Variants in FAM171A2 observed in about 807,000 individuals in gnomAD.
FAM171A2 encodes the protein protein FAM171A2.
FAM171A2 carries 13 observed loss-of-function variants against 34.2 expected under a neutral mutation model. The observed-to-expected ratio is 0.38, with a 90% CI of 0.25 to 0.60. The LOEUF is 0.60. Ranked by LOEUF, FAM171A2 falls within the 20% of genes least tolerant of loss-of-function variation. The pLI, the probability that FAM171A2 is intolerant of heterozygous loss-of-function variation, is 0.62. For missense variants in FAM171A2, 950 were observed against 1,180.7 expected, an observed-to-expected ratio of 0.80 and a Z score of 2.86; for synonymous variants, 475 against 561.2, an observed-to-expected ratio of 0.85 and a Z score of 2.17.
At chr17:44,359,800 C>A in intron 2 of FAM171A2, 105 bp downstream of exon 2, 1 of 1,366,934 alleles carries the variant, frequency 7.3e-7, no homozygotes, top group Non-Finnish European at 9.9e-7. Context: ...GCCCAGGCAG[C>A]AGCTGCTGGA....
rs574644309 is a variant in FAM171A2, at chr17:44,360,113, C to T, written c.138G>A (p.Gln46=). Residue 46 remains glutamine, a synonymous_variant, in exon 2 of 8, where the codon CAG becomes CAA. Coordinates refer to ENST00000293443, the MANE Select transcript of FAM171A2 (RefSeq NM_198475.3). ...GCACCAGCTCCCCGCTCACATACAC[C>T]TGCACCTTGATCAGGATCTCTGTGG... ...PSPQEILIKV[Q]VYVSGELVPL... 4.9e-5 allele frequency: 76 copies of T among 1,551,608 alleles called. No homozygotes were observed. In the African/African-American group the frequency reaches 9.0e-4, roughly 18 times the overall value.
Position 44,359,948 on chromosome 17 carries a change from G to A in FAM171A2, c.303C>T (p.Gly101=). The change falls in exon 2 of 8, where the codon GGC becomes GGT. Residue 101 remains glycine (G), a synonymous_variant. Coordinates refer to ENST00000293443, the MANE Select transcript of FAM171A2 (RefSeq NM_198475.3). Reference sequence around the variant, plus strand: ...GCCAGGGCACAGAGTTGGTGAGGAAGCCAGGGCGGGCAGCAGTGACCAGCA... The same window carrying A: ...GCCAGGGCACAGAGTTGGTGAGGAAACCAGGGCGGGCAGCAGTGACCAGCA... ...TWVLVTAARP[G]FLTNSVPWRV... is the part of the protein sequence containing the mutation. The A allele has an allele frequency of 6.4e-7, 1 of 1,550,488 alleles. No individual in the cohort carries two copies. The highest frequency in any genetic ancestry group is 8.7e-7 in the Non-Finnish European group (1 of 1,146,278).
intron 3 of FAM171A2, among the ~76,000 whole-genome samples, chr17:44,357,331 G>GAGC (rs2048428734): frequency 7.0e-6 from 1 of 142,150 alleles, no homozygotes; most frequent in Non-Finnish European, 1.5e-5. Flanking sequence ...TGGGCATCAA[G>GAGC]AGCGAAACTC....
Position 44,359,642 on chromosome 17 carries a change from G to A in FAM171A2, c.376C>T (p.Pro126Ser). 1 of 1,550,820 alleles carries A rather than the reference G, an allele frequency of 6.4e-7. No individual in the cohort carries two copies. The highest frequency in any genetic ancestry group is 2.4e-5 in the East Asian group (1 of 40,922). Reference sequence around the variant, plus strand: ...AGGATGAGCGTGGCCGGCCGCTCAGGGAGCAGGTAGAGGCTGACAGACGCA... The same window carrying A: ...AGGATGAGCGTGGCCGGCCGCTCAGAGAGCAGGTAGAGGCTGACAGACGCA... Reference protein sequence around the residue: ...LYASVSLYLLPERPATLILYE... With the variant: ...LYASVSLYLLSERPATLILYE... The change falls in exon 3 of 8, where the codon CCT (proline) becomes TCT (serine). Residue 126 changes from proline to serine, a missense_variant. This residue lies in a region of FAM171A2 where 752 missense variants were observed against 924.5 expected (regional missense o/e 0.81). Transcript: ENST00000293443.
Position 44,353,369 on chromosome 17 carries a change from C to A in FAM171A2, c.*364G>T, listed in dbSNP as rs2048398490. ...CACCCCCTCCCCTCCCAGGGGTCCA[C>A]AAAGAACGCCCCCTCCCTTCCCAGC... On this transcript the variant is annotated 3_prime_UTR_variant, in exon 8 of 8. Transcript: ENST00000293443. 3 of 171,708 alleles carry A rather than the reference C, an allele frequency of 1.7e-5. No individual in the cohort carries two copies. The South Asian group carries it at 4.5e-4, about 26-fold the overall frequency. 10.6% of individuals were successfully genotyped at this position (171,708 alleles called of 1,614,324 possible).
chr17:44,359,730 C>T (rs1031527065), intron 2 of FAM171A2, 59 bp from the exon 3 acceptor site: 16 of 1,069,536 alleles, frequency 1.5e-5, no homozygotes, highest in Non-Finnish European at 1.8e-5. Context: ...CCCAGCCAGG[C>T]ACCCCCTCCA....
chr17:44,353,661 C>CGCGGGCCCCCGGGGCGCGCACCCTGGGT lies in FAM171A2; in HGVS notation c.*44_*71dup, dbSNP rs1029458242. On this transcript the variant is annotated 3_prime_UTR_variant, in exon 8 of 8. Transcript: ENST00000293443. ...GCTGGGAGCTACGCGCGAGGGCCCC[C>CGCGGGCCCCCGGGGCGCGCACCCTGGGT]GCGGGCCCCCGGGGCGCGCACCCTG... 3.7e-4 allele frequency: 422 copies of CGCGGGCCCCCGGGGCGCGCACCCTGGGT among 1,148,918 alleles called. No individual in the cohort carries two copies. The highest frequency in any genetic ancestry group is 5.5e-4 in the Admixed American group (12 of 21,818). 71.2% of individuals were successfully genotyped at this position (1,148,918 alleles called of 1,614,324 possible).
chr17:44,353,901 G>A lies in FAM171A2; in HGVS notation c.2313C>T (p.Gly771=). 3.8e-6 allele frequency: 5 copies of A among 1,303,186 alleles called. No individual in the cohort carries two copies. The highest frequency in any genetic ancestry group is 4.8e-6 in the Non-Finnish European group (5 of 1,031,708). The allele number at this position is 1,303,186 out of a possible 1,614,324, so 80.7% of individuals were successfully genotyped here. The change falls in exon 8 of 8, where the codon GGC becomes GGT. Residue 771 remains glycine, a synonymous_variant. Transcript: ENST00000293443. ...GRAATVPRGR[G]RSRGDSSRSS... ...TGCGGGAGCTGTCCCCGCGGCTGCG[G>A]CCCCGCCCCCGGGGTACCGTGGCCG...
Position 44,353,728 on chromosome 17 carries a change from G to C in FAM171A2, c.*5C>G, listed in dbSNP as rs2048403024. 1.4e-6 allele frequency: 2 copies of C among 1,393,738 alleles called. No individual in the cohort carries two copies. The highest frequency in any genetic ancestry group is 9.3e-7 in the Non-Finnish European group (1 of 1,070,408). 86.3% of individuals were successfully genotyped at this position (1,393,738 alleles called of 1,614,324 possible). A position where few individuals can be genotyped will look rare whatever the true frequency, so the allele number is the denominator to read the frequency against. On this transcript the variant is annotated 3_prime_UTR_variant, in exon 8 of 8. Transcript: ENST00000293443. ...GGAGGGGCGGTGCCAGGCCCTGCGC[G>C]GGCGCTACTTGACGTTGAACACCAT... is the stretch of plus-strand genomic sequence containing the variant.
At position 44,354,231 on chromosome 17, in the gene FAM171A2, G is replaced by A. The variant is rs1275479217; in HGVS notation, c.1983C>T (p.Arg661=). The A allele has an allele frequency of 2.7e-6, 4 of 1,455,082 alleles. No individual in the cohort carries two copies. The African/African-American group carries it at 5.9e-5, about 21-fold the overall frequency. 90.1% of individuals were successfully genotyped at this position (1,455,082 alleles called of 1,614,324 possible). The change falls in exon 8 of 8, where the codon CGC becomes CGT. Residue 661 remains arginine (R), a synonymous_variant. Transcript: ENST00000293443. This position sits in a 1 kb window ranked among gnomAD's most constrained non-coding sequence, Gnocchi z 5.8. Reference sequence around the variant, plus strand: ...AAGAGTGGCGCACTTGCGAGTTGGAGCGCCCGTCGAGGGACACGAACCAGG... The same window carrying A: ...AAGAGTGGCGCACTTGCGAGTTGGAACGCCCGTCGAGGGACACGAACCAGG... The part of the protein sequence containing the change: ...PRAWFVSLDG[R]SNSQVRHSYI...
At chr17:44,360,795 A>T (rs375711772) in intron 1 of FAM171A2, among the ~76,000 whole-genome samples, 1 of 152,166 alleles carries the variant, frequency 6.6e-6, no homozygotes, top group East Asian at 1.9e-4. Context: ...ACACTAGGAA[A>T]CTGGTCATTC....
Position 44,356,357 on chromosome 17 carries a change from G to A in FAM171A2, c.599-5C>T. On this transcript the variant is annotated splice_polypyrimidine_tract_variant and splice_region_variant and intron_variant, in intron 4 of 7. Coordinates refer to ENST00000293443, the MANE Select transcript of FAM171A2 (RefSeq NM_198475.3). The stretch of plus-strand genomic sequence containing the variant: ...GCTCCAGCCAGGAGCCATTGCCTGA[G>A]GGAAGAGGGTACAGGGCTGAGGGCT... The A allele has an allele frequency of 3.9e-6, 6 of 1,544,108 alleles. No homozygotes were observed. Among genetic ancestry groups the A allele is most frequent in the African/African-American group, 2.7e-5 (2 of 73,044 alleles).
rs1287894369 is a variant in FAM171A2, at chr17:44,353,224, C to A, written c.*509G>T. The A allele has an allele frequency of 2.6e-5, 8 of 305,110 alleles. No homozygotes were observed. The East Asian group carries it at 6.8e-4, about 26-fold the overall frequency. 18.9% of individuals were successfully genotyped at this position (305,110 alleles called of 1,614,324 possible). Reference sequence around the variant, plus strand: ...AAAGACATACACAGCCTTAACCTCACCAGTTTTATATTTGCTGCTGCCCAC... The same window carrying A: ...AAAGACATACACAGCCTTAACCTCAACAGTTTTATATTTGCTGCTGCCCAC... On this transcript the variant is annotated 3_prime_UTR_variant, in exon 8 of 8. Transcript: ENST00000293443.
At chr17:44,359,475 A>C in intron 3 of FAM171A2, 104 bp downstream of exon 3, 5 of 915,420 alleles carry the variant, frequency 5.5e-6, no homozygotes, top group Non-Finnish European at 6.9e-6. Context: ...CAGAGAGGTG[A>C]AGTGACTTGC....
At chr17:44,358,544 A>G (rs1412893294) in intron 3 of FAM171A2, among the ~76,000 whole-genome samples, 1 of 152,114 alleles carries the variant, frequency 6.6e-6, no homozygotes, top group African/African-American at 2.4e-5. Flanking sequence ...TACAAAAATT[A>G]GTCTGGCGTG....
intron 1 of FAM171A2, among the ~76,000 whole-genome samples, chr17:44,361,897 C>T (rs914592333): frequency 1.1e-4 from 16 of 152,054 alleles, no homozygotes; most frequent in African/African-American, 3.9e-4. Context: ...TTCGGAGAAG[C>T]TAGAAGGTCC....
rs1314409953 is a variant in FAM171A2, at chr17:44,354,966, G to T, written c.1248C>A (p.Phe416Leu). The T allele has an allele frequency of 1.4e-6, 2 of 1,470,550 alleles. No individual in the cohort carries two copies. 91.1% of individuals were successfully genotyped at this position (1,470,550 alleles called of 1,614,324 possible). ...GGCTGGCAGAGCGCGGCTTGGTGCG[G>T]AAGAAGTCATCCCGGGAGGAGGCCA... Reference protein sequence around the residue: ...RDLASSRDDFFRTKPRSASRP... With the variant: ...RDLASSRDDFLRTKPRSASRP... Residue 416 changes from phenylalanine (F) to leucine (L), a missense_variant, in exon 8 of 8, where the codon TTC (phenylalanine) becomes TTA (leucine). Transcript: ENST00000293443. The surrounding 1 kb of genome is among the most constrained non-coding windows in gnomAD (Gnocchi z 5.8).
At chr17:44,359,270 G>A (rs954760077) in intron 3 of FAM171A2, 1 of 386,402 alleles carries the variant, frequency 2.6e-6, no homozygotes, top group Non-Finnish European at 4.9e-6. Context: ...CAACAAATCT[G>A]TGTAGACCCA....
At chr17:44,358,287 C>T (rs1045140795) in intron 3 of FAM171A2, among the ~76,000 whole-genome samples, 3 of 152,170 alleles carry the variant, frequency 2.0e-5, no homozygotes, top group South Asian at 2.1e-4. Context: ...AAGCAGTAGG[C>T]GCCATGCAGG....
Sources: gnomAD v4.1 joint callset for allele counts (sites outside exome capture counted in the v4.1 genomes callset) on GRCh38, gnomAD v4.1.1 for gene constraint, gnomAD v4.1.1 regional missense constraint, Gnocchi (gnomAD v3.1) non-coding constraint, MANE v1.5 for transcripts, NCBI Gene and HGNC (gene_info 2026-07-23, HGNC 2026-07-21) for gene names.